The following SCAMP3 variants were observed in gnomAD, a reference collection of about 807,000 sequenced individuals.
SCAMP3 encodes the protein secretory carrier membrane protein 3.
In SCAMP3, 30 loss-of-function variants were observed where a neutral mutation model predicts 44.1. The observed-to-expected ratio is 0.68, with a 90% CI of 0.51 to 0.92. The LOEUF (loss-of-function observed/expected upper bound fraction) is 0.92, where lower values mean the gene tolerates loss of function less well. SCAMP3 is among the 40% of genes least tolerant of loss of function. SCAMP3 has a pLI of 0.00. For synonymous variants in SCAMP3, 168 were observed against 171.1 expected (o/e 0.98, Z 0.14); for missense variants, 394 against 440.0 (o/e 0.90, Z 0.93).
chr1:155,261,697 T>C lies in SCAMP3; in HGVS notation c.104A>G (p.Tyr35Cys), dbSNP rs760193664. The change falls in exon 2 of 9, where the codon TAT becomes TGT. Residue 35 changes from tyrosine to cysteine, a missense_variant. Transcript: ENST00000302631. ...AVIQHRPSRQ[Y>C]ATLDVYNPFE... ...AGGGTTGTAGACGTCAAGCGTGGCATACTGCCGGCTGGGTCGGTGCTGGAT... is the reference window on the plus strand; with the variant it reads ...AGGGTTGTAGACGTCAAGCGTGGCACACTGCCGGCTGGGTCGGTGCTGGAT... 5.6e-6 allele frequency: 9 copies of C among 1,614,028 alleles called. No individual in the cohort carries two copies. Among genetic ancestry groups the C allele is most frequent in the Admixed American group, 3.3e-5 (2 of 60,010 alleles).
In SCAMP3 at chr1:155,256,327, G is replaced by C. The variant is rs1294209325; in HGVS notation, c.990C>G (p.Thr330=). ...CCCCAGCGGCTGCATTGGCAGCTGCGGTTCGCACCGCAGGGTTGGAGAAGA... is the reference window on the plus strand; with the variant it reads ...CCCCAGCGGCTGCATTGGCAGCTGCCGTTCGCACCGCAGGGTTGGAGAAGA... The part of the protein sequence containing the change: ...AGVFSNPAVR[T]AAANAAAGAA... Residue 330 remains threonine, a synonymous_variant, in exon 9 of 9, where the codon ACC becomes ACG. Transcript: ENST00000302631. The C allele has an allele frequency of 6.2e-7, 1 of 1,604,486 alleles. No homozygotes were observed. The highest frequency in any genetic ancestry group is 1.7e-5 in the Admixed American group (1 of 59,328).
At chr1:155,260,243 C>A (rs977036767) in intron 4 of SCAMP3, 87 bp downstream of exon 4, 402 of 1,531,238 alleles carry the variant, frequency 2.6e-4, no homozygotes, top group Non-Finnish European at 3.1e-4. Context: ...TAGGTGTGAG[C>A]CACCGCACCC....
chr1:155,258,936 G>A lies in SCAMP3; in HGVS notation c.407C>T (p.Pro136Leu). 2 of 1,610,360 alleles carry A rather than the reference G, an allele frequency of 1.2e-6. No individual in the cohort carries two copies. Among genetic ancestry groups the A allele is most frequent in the Non-Finnish European group, 1.7e-6 (2 of 1,178,398 alleles). The change falls in exon 5 of 9, where the codon CCC becomes CTC. Residue 136 changes from proline to leucine, a missense_variant. Pro to Leu is a moderately conservative substitution (Grantham distance 98, BLOSUM62 -3). Transcript: ENST00000302631. ...GGTATRQNNW[P>L]PLPSFCPVQP... ...AACTGGACAAAAAGAAGGTAGAGGG[G>A]GCCAATTGTTCTGTCGAGCTGTAAG...
rs146187850 is a variant in SCAMP3, at chr1:155,261,672, A to G, written c.129T>C (p.Pro43=). 2.2e-5 allele frequency: 35 copies of G among 1,613,872 alleles called. No homozygotes were observed. The African/African-American group carries it at 3.2e-4, about 15-fold the overall frequency. The change falls in exon 2 of 9, where the codon CCT becomes CCC. Residue 43 remains proline, a synonymous_variant. Transcript: ENST00000302631. ...RQYATLDVYN[P]FETREPPPAY... is the part of the protein sequence containing the mutation. ...AGTAGCTCACCTCCCGGGTCTCAAA[A>G]GGGTTGTAGACGTCAAGCGTGGCAT...
Position 155,260,437 on chromosome 1 carries a change from G to A in SCAMP3, c.281C>T (p.Ala94Val). 6.2e-7 allele frequency: 1 copy of A among 1,614,122 alleles called. No individual in the cohort carries two copies. Among genetic ancestry groups the A allele is most frequent in the Non-Finnish European group, 8.5e-7 (1 of 1,180,042 alleles). ...GSYSTQASAAAATAELLKKQE... is the reference protein window; with the variant it reads ...GSYSTQASAAVATAELLKKQE... ...TTTCTTCAGCAGCTCAGCTGTGGCT[G>A]CTGCAGCTGAGGCCTGCCCAGTGTG... The change falls in exon 4 of 9, where the codon GCA (alanine) becomes GTA (valine). Residue 94 changes from alanine to valine, a missense_variant. Coordinates refer to ENST00000302631, the MANE Select transcript of SCAMP3 (RefSeq NM_005698.4).
chr1:155,260,179 C>T, intron 4 of SCAMP3, 151 bp downstream of exon 4: 3 of 883,308 alleles, frequency 3.4e-6, no homozygotes, highest in South Asian at 1.6e-5. Flanking sequence ...AGGATGGTCT[C>T]GATCTCTTGA....
rs769427592 is a variant in SCAMP3, at chr1:155,262,100, C to G, written c.52G>C (p.Asp18His). The G allele has an allele frequency of 1.7e-5, 28 of 1,614,066 alleles. No homozygotes were observed. The highest frequency in any genetic ancestry group is 2.2e-5 in the Non-Finnish European group (26 of 1,180,016). ...GCGCAAGTCACCTGAAAGGGGTTGT[C>G]AAGCTCGCTGGGCTCGGCGAACGGG... is the stretch of plus-strand genomic sequence containing the variant. Reference protein sequence around the residue: ...GNPFAEPSELDNPFQDPAVIQ... With the variant: ...GNPFAEPSELHNPFQDPAVIQ... Residue 18 changes from aspartate (D) to histidine (H), a missense_variant, in exon 1 of 9, where the codon GAC becomes CAC. Transcript: ENST00000302631.
intron 8 of SCAMP3, 125 bp from the exon 9 acceptor site, chr1:155,256,544 A>C: frequency 2.2e-6 from 3 of 1,355,226 alleles, no homozygotes; most frequent in Non-Finnish European, 3.1e-6. Flanking sequence ...AGAAACACAC[A>C]CCCCAGAGGT....
rs1006021983 is a variant in SCAMP3, at chr1:155,259,159, A to G, written c.389-205T>C. 4.9e-5 allele frequency among the ~76,000 whole-genome samples: 5 copies of G among 102,734 alleles called. No homozygotes were observed. In the Admixed American group the frequency reaches 5.3e-4, roughly 11 times the overall value. 67.4% of individuals were successfully genotyped at this position (102,734 alleles called of 152,430 possible). A position where few individuals can be genotyped will look rare whatever the true frequency, so the allele number is the denominator to read the frequency against. ...CCTCCTGGGCTCAAGCAACCCTCCC[A>G]CCTCAGCTTTTTTTTTTTTTTTTTT... On this transcript the variant is annotated intron_variant, in intron 4 of 8. Transcript: ENST00000302631.
At position 155,256,185 on chromosome 1, in the gene SCAMP3, G is replaced by C. The variant is rs1314668170; in HGVS notation, c.*88C>G. ...AGCACTACGGAGGAGCCATCAGTTA[G>C]TGATGTCTCTCCAAGTCCCAGAGAC... On this transcript the variant is annotated 3_prime_UTR_variant, in exon 9 of 9. Transcript: ENST00000302631. 1 of 1,304,866 alleles carries C rather than the reference G, an allele frequency of 7.7e-7. No individual in the cohort carries two copies. The highest frequency in any genetic ancestry group is 2.4e-5 in the Admixed American group (1 of 41,626). The allele number at this position is 1,304,866 out of a possible 1,614,324, so 80.8% of individuals were successfully genotyped here. A position where few individuals can be genotyped will look rare whatever the true frequency, so the allele number is the denominator to read the frequency against.
Position 155,262,101 on chromosome 1 carries a change from A to C in SCAMP3, c.51T>G (p.Leu17=). 1 of 1,614,134 alleles carries C rather than the reference A, an allele frequency of 6.2e-7. No homozygotes were observed. The highest frequency in any genetic ancestry group is 8.5e-7 in the Non-Finnish European group (1 of 1,180,006). ...CGCAAGTCACCTGAAAGGGGTTGTC[A>C]AGCTCGCTGGGCTCGGCGAACGGGT... ...GGNPFAEPSE[L]DNPFQDPAVI... is the part of the protein sequence containing the mutation. The change falls in exon 1 of 9, where the codon CTT becomes CTG. Residue 17 remains leucine, a synonymous_variant. Transcript: ENST00000302631.
chr1:155,257,221 T>A, intron 7 of SCAMP3, 64 bp downstream of exon 7: 1 of 1,089,870 alleles, frequency 9.2e-7, no homozygotes, highest in Non-Finnish European at 1.4e-6. Context: ...ACAACTCCTA[T>A]CCCAGCACCC....
intron 4 of SCAMP3, 131 bp downstream of exon 4, chr1:155,260,199 C>A: frequency 9.3e-7 from 1 of 1,076,494 alleles, no homozygotes; most frequent in South Asian, 1.5e-5. Flanking sequence ...ACCTCGTGAT[C>A]CGCCCACCTC....
chr1:155,257,766 G>A, intron 5 of SCAMP3, 109 bp from the exon 6 acceptor site: 11 of 1,041,520 alleles, frequency 1.1e-5, no homozygotes, highest in African/African-American at 1.6e-5. Flanking sequence ...GTAAGGAAAT[G>A]AAGGCAGCTG....
In SCAMP3 at chr1:155,256,257, G is replaced by C. The variant is rs1044491531; in HGVS notation, c.*16C>G. 1 of 1,547,724 alleles carries C rather than the reference G, an allele frequency of 6.5e-7. No individual in the cohort carries two copies. The highest frequency in any genetic ancestry group is 8.7e-7 in the Non-Finnish European group (1 of 1,143,668). The stretch of plus-strand genomic sequence containing the variant: ...AGCTCCCTCAAGTAGCAGGGCCAGG[G>C]CATCCCAGTCAGGGGTCACGGGGCC... On this transcript the variant is annotated 3_prime_UTR_variant, in exon 9 of 9. Coordinates refer to ENST00000302631, the MANE Select transcript of SCAMP3 (RefSeq NM_005698.4).
rs745879624 is a variant in SCAMP3 at position 155,260,365 on chromosome 1, C to G, written c.353G>C (p.Arg118Pro). The change falls in exon 4 of 9, where the codon CGA (arginine) becomes CCA (proline). Residue 118 changes from arginine to proline, a missense_variant. Coordinates refer to ENST00000302631, the MANE Select transcript of SCAMP3 (RefSeq NM_005698.4). The stretch of plus-strand genomic sequence containing the variant: ...CCCCAGGGCAGCATGCTGCAGCTCT[C>G]GCTCCCTTCGGTCCAACTCCTCTGC... Reference protein sequence around the residue: ...RKAEELDRRERELQHAALGGT... With the variant: ...RKAEELDRREPELQHAALGGT... 4 of 1,613,202 alleles carry G rather than the reference C, an allele frequency of 2.5e-6. No homozygotes were observed. Among genetic ancestry groups the G allele is most frequent in the Non-Finnish European group, 3.4e-6 (4 of 1,180,020 alleles).
At chr1:155,256,467 C>T in intron 8 of SCAMP3, 48 bp from the exon 9 acceptor site, 1 of 1,551,094 alleles carries the variant, frequency 6.4e-7, no homozygotes, top group Non-Finnish European at 8.8e-7. Flanking sequence ...GCCACTGGTT[C>T]CCCACCCCAG....
At chr1:155,260,698 A>G (rs1672937183) in intron 2 of SCAMP3, 39 bp from the exon 3 acceptor site, 1 of 1,548,920 alleles carries the variant, frequency 6.5e-7, no homozygotes, top group East Asian at 2.2e-5. Context: ...CTAGTCCCTC[A>G]TAACACAGGA....
chr1:155,257,720 T>C (rs1309955226), intron 5 of SCAMP3, 63 bp from the exon 6 acceptor site: 1 of 1,444,934 alleles, frequency 6.9e-7, no homozygotes, highest in Non-Finnish European at 9.5e-7. Context: ...CCTTCCCATC[T>C]ATGCTCATCC....
Sources: allele counts gnomAD v4.1 joint callset (sites outside exome capture counted in the v4.1 genomes callset), GRCh38; gene constraint gnomAD v4.1.1; transcripts MANE v1.5; gene names NCBI Gene and HGNC (gene_info 2026-07-23, HGNC 2026-07-21).